The following TMPRSS11B variants were observed in gnomAD, a reference collection of about 807,000 sequenced individuals.
TMPRSS11B encodes the protein transmembrane serine protease 11B.
In TMPRSS11B, 53 loss-of-function variants were observed where a neutral mutation model predicts 44.7. The observed-to-expected ratio is 1.19, with a 90% CI of 0.95 to 1.49. The LOEUF is 1.49. Among genes scored for constraint, TMPRSS11B ranks in the 40% most tolerant of loss-of-function variants. The pLI is 0.00. For missense variants in TMPRSS11B, 526 were observed against 494.8 expected (o/e 1.06, Z -0.60); for synonymous variants, 140 against 159.2 (o/e 0.88, Z 0.91).
chr4:68,235,038 C>T (rs1719622613), intron 4 of TMPRSS11B, among the ~76,000 whole-genome samples: 1 of 152,150 alleles, frequency 6.6e-6, no homozygotes. Flanking sequence ...CAATTTCCAG[C>T]ATGTATTTAG....
chr4:68,242,378 A>AT (rs1719884209), intron 1 of TMPRSS11B, among the ~76,000 whole-genome samples: 1 of 80,840 alleles, frequency 1.2e-5, no homozygotes, highest in Non-Finnish European at 2.2e-5. Flanking sequence ...ATAATATTAT[A>AT]TATATAATAT....
intron 1 of TMPRSS11B, among the ~76,000 whole-genome samples, chr4:68,243,626 A>G (rs1413430443): frequency 6.6e-6 from 1 of 152,246 alleles, no homozygotes; most frequent in Middle Eastern, 3.4e-3. Flanking sequence ...TTTTTAATAC[A>G]GTATTTATAA....
At position 68,229,252 on chromosome 4, in the gene TMPRSS11B, C is replaced by A; in HGVS notation, c.946+5G>T. 1.3e-6 allele frequency: 2 copies of A among 1,582,018 alleles called. No homozygotes were observed. Among genetic ancestry groups the A allele is most frequent in the Non-Finnish European group, 1.7e-6 (2 of 1,165,152 alleles). ...CAGCTATTATGATTTTACAAAAAAA[C>A]TTACCATTCATATAAAGTGTTCCCC... is the stretch of plus-strand genomic sequence containing the variant. On this transcript the variant is annotated splice_donor_5th_base_variant and intron_variant, in intron 8 of 9. Coordinates refer to ENST00000332644, the MANE Select transcript of TMPRSS11B (RefSeq NM_182502.3).
intron 2 of TMPRSS11B, among the ~76,000 whole-genome samples, chr4:68,241,230 T>A (rs959952234): frequency 2.6e-5 from 4 of 152,138 alleles, no homozygotes; most frequent in African/African-American, 9.7e-5. Flanking sequence ...AAAACCATGT[T>A]TGTGCAAACA....
chr4:68,242,357 T>TATATTATATTATATATTATATATAA (rs1414354014), intron 1 of TMPRSS11B, among the ~76,000 whole-genome samples: 14 of 61,074 alleles, frequency 2.3e-4, no homozygotes, highest in African/African-American at 7.7e-4. Context: ...ATATATAATA[T>TATATTATATTATATATTATATATAA]TATATTATAT....
chr4:68,239,451 G>A (rs1271236501), intron 2 of TMPRSS11B, among the ~76,000 whole-genome samples: 1 of 152,192 alleles, frequency 6.6e-6, no homozygotes, highest in Non-Finnish European at 1.5e-5. Context: ...GGTCTTAAAA[G>A]TCCAGTCTCC....
chr4:68,227,793 T>C lies in TMPRSS11B; in HGVS notation c.*118A>G. Reference sequence around the variant, plus strand: ...AATAAAATATTAATAAAGACATTTATATTTTTATATATAATAAAATGATTA... The same window carrying C: ...AATAAAATATTAATAAAGACATTTACATTTTTATATATAATAAAATGATTA... On this transcript the variant is annotated 3_prime_UTR_variant, in exon 10 of 10. Coordinates refer to ENST00000332644, the MANE Select transcript of TMPRSS11B (RefSeq NM_182502.3). 3.6e-6 allele frequency: 2 copies of C among 552,196 alleles called. No individual in the cohort carries two copies. Among genetic ancestry groups the C allele is most frequent in the Non-Finnish European group, 5.3e-6 (2 of 377,990 alleles). The allele number at this position is 552,196 out of a possible 1,614,324, so 34.2% of individuals were successfully genotyped here. A position where few individuals can be genotyped will look rare whatever the true frequency, so the allele number is the denominator to read the frequency against.
intron 7 of TMPRSS11B, 84 bp from the exon 8 acceptor site, chr4:68,229,600 G>A: frequency 7.7e-7 from 1 of 1,302,204 alleles, no homozygotes; most frequent in Non-Finnish European, 1.0e-6. Flanking sequence ...TAATTTTAAG[G>A]CATGAGGTTC....
chr4:68,237,284 CT>C (rs1405810183), intron 2 of TMPRSS11B, among the ~76,000 whole-genome samples: 1 of 152,104 alleles, frequency 6.6e-6, no homozygotes. Context: ...CTTTTTATGG[CT>C]GAATAGTACT....
At chr4:68,241,864 C>G (rs1163217337) in intron 1 of TMPRSS11B, 60 bp from the exon 2 acceptor site, 8 of 918,266 alleles carry the variant, frequency 8.7e-6, no homozygotes, top group Non-Finnish European at 1.5e-5. Flanking sequence ...CTACCTGCCT[C>G]TCCTTCAACT....
In TMPRSS11B at chr4:68,227,848, C is replaced by G; in HGVS notation, c.*63G>C. ...ACCAACAATCAAAATAAAAAGATCCCAAAGCCACAGATAAGGATAGCCTAC... is the reference window on the plus strand; with the variant it reads ...ACCAACAATCAAAATAAAAAGATCCGAAAGCCACAGATAAGGATAGCCTAC... On this transcript the variant is annotated 3_prime_UTR_variant, in exon 10 of 10. Coordinates refer to ENST00000332644, the MANE Select transcript of TMPRSS11B (RefSeq NM_182502.3). The G allele has an allele frequency of 7.8e-7, 1 of 1,288,792 alleles. No individual in the cohort carries two copies. Among genetic ancestry groups the G allele is most frequent in the Non-Finnish European group, 1.0e-6 (1 of 993,440 alleles). The allele number at this position is 1,288,792 out of a possible 1,614,324, so 79.8% of individuals were successfully genotyped here.
chr4:68,239,629 A>G (rs1719768629), intron 2 of TMPRSS11B, among the ~76,000 whole-genome samples: 2 of 152,224 alleles, frequency 1.3e-5, no homozygotes, highest in South Asian at 4.1e-4. Context: ...TAATCTTTAC[A>G]TGGTAAACTG....
chr4:68,241,471 A>G (rs1273215447), intron 2 of TMPRSS11B, among the ~76,000 whole-genome samples: 3 of 152,158 alleles, frequency 2.0e-5, no homozygotes, highest in Non-Finnish European at 2.9e-5. Context: ...TGAACATTTC[A>G]GTCTTGCTCA....
intron 2 of TMPRSS11B, among the ~76,000 whole-genome samples, chr4:68,239,581 G>T (rs1004055527): frequency 5.9e-5 from 9 of 152,116 alleles, no homozygotes; most frequent in African/African-American, 1.7e-4. Flanking sequence ...ATTCTATACT[G>T]TGGTCAGTGA....
At chr4:68,232,549 G>T in intron 5 of TMPRSS11B, 133 bp from the exon 6 acceptor site, 1 of 717,416 alleles carries the variant, frequency 1.4e-6, no homozygotes, top group Non-Finnish European at 2.3e-6. Context: ...AGTAGTTCAG[G>T]TATTTTCAGC....
rs1719396099 is a variant in TMPRSS11B at position 68,227,836 on chromosome 4, A to G, written c.*75T>C. On this transcript the variant is annotated 3_prime_UTR_variant, in exon 10 of 10. Transcript: ENST00000332644. Reference sequence around the variant, plus strand: ...AATGATTAGTTTACCAACAATCAAAATAAAAAGATCCCAAAGCCACAGATA... The same window carrying G: ...AATGATTAGTTTACCAACAATCAAAGTAAAAAGATCCCAAAGCCACAGATA... 3.4e-6 allele frequency: 4 copies of G among 1,187,868 alleles called. No homozygotes were observed. The highest frequency in any genetic ancestry group is 4.4e-6 in the Non-Finnish European group (4 of 906,386). 73.6% of individuals were successfully genotyped at this position (1,187,868 alleles called of 1,614,324 possible).
intron 5 of TMPRSS11B, among the ~76,000 whole-genome samples, chr4:68,233,292 A>G (rs1196107949): frequency 6.6e-6 from 1 of 152,092 alleles, no homozygotes; most frequent in Non-Finnish European, 1.5e-5. Context: ...TGTGTGGCAA[A>G]AGAGCGGTAA....
At chr4:68,229,773 T>C in intron 7 of TMPRSS11B, 1 of 328,068 alleles carries the variant, frequency 3.0e-6, no homozygotes, top group Non-Finnish European at 5.6e-6. Context: ...CCCTGCTTAT[T>C]CAGTTCCATC....
chr4:68,228,024 G>T lies in TMPRSS11B; in HGVS notation c.1138C>A (p.His380Asn), dbSNP rs1201451954. The change falls in exon 10 of 10, where the codon CAT becomes AAT. Residue 380 changes from histidine to asparagine, a missense_variant. His to Asn is a moderately conservative substitution (Grantham distance 68). Coordinates refer to ENST00000332644, the MANE Select transcript of TMPRSS11B (RefSeq NM_182502.3). ...CCCCAGCTTACTATTCCAACAAGAT[G>T]CCAGATATTTCTGGAATCAGGGTAA... ...LAYPDSRNIW[H>N]LVGIVSWGDG... 6.2e-7 allele frequency: 1 copy of T among 1,613,568 alleles called. No homozygotes were observed. Among genetic ancestry groups the T allele is most frequent in the South Asian group, 1.1e-5 (1 of 91,024 alleles).
Sources: allele counts gnomAD v4.1 joint callset (sites outside exome capture counted in the v4.1 genomes callset), GRCh38; gene constraint gnomAD v4.1.1; transcripts MANE v1.5; gene names NCBI Gene and HGNC (gene_info 2026-07-23, HGNC 2026-07-21).